GP6: variants seen among roughly 807,000 people sequenced by gnomAD.
GP6 encodes the protein platelet glycoprotein VI.
Under a neutral mutation model 37.3 loss-of-function variants are expected in GP6, and 45 were observed. The ratio of observed to expected loss-of-function variants is 1.21; its 90% CI spans 0.95 to 1.55. The LOEUF (loss-of-function observed/expected upper bound fraction) is 1.55, where lower values mean the gene tolerates loss of function less well. Among genes scored for constraint, GP6 ranks in the 40% most tolerant of loss-of-function variants. The probability of loss-of-function intolerance (pLI) is 0.00; values close to 1 mark genes in which losing one functional copy is unlikely to be tolerated. For synonymous variants in GP6, 340 were observed against 316.4 expected, an observed-to-expected ratio of 1.07 and a Z score of -0.79; for missense variants, 813 against 760.2, an observed-to-expected ratio of 1.07 and a Z score of -0.82.
intron 5 of GP6, among the ~76,000 whole-genome samples, chr19:55,019,171 T>A (rs1006588972): frequency 6.7e-6 from 1 of 149,606 alleles, no homozygotes; most frequent in Non-Finnish European, 1.5e-5. Flanking sequence ...AGTGGCGCGA[T>A]CTCAGCTCAC....
intron 4 of GP6, among the ~76,000 whole-genome samples, chr19:55,026,022 AGC>A (rs1478146856): frequency 2.9e-4 from 43 of 146,868 alleles, no homozygotes; most frequent in African/African-American, 1.0e-3. Context: ...AAAAAAAAAA[AGC>A]AGCAGCATTT....
intron 5 of GP6, among the ~76,000 whole-genome samples, chr19:55,024,779 C>A (rs76795020): frequency 0.023 from 3,495 of 152,274 alleles, 135 homozygotes; most frequent in African/African-American, 0.08. Context: ...GAAATCTATT[C>A]TTTAAGCCTC....
intron 5 of GP6, among the ~76,000 whole-genome samples, chr19:55,022,347 C>T (rs2146762976): frequency 6.6e-6 from 1 of 152,214 alleles, no homozygotes; most frequent in East Asian, 1.9e-4. Flanking sequence ...GGAACGGGTC[C>T]AGTTTCTATT....
chr19:55,033,835 G>A (rs1357517980), intron 1 of GP6, among the ~76,000 whole-genome samples: 2 of 152,134 alleles, frequency 1.3e-5, no homozygotes, highest in East Asian at 1.9e-4. Flanking sequence ...AAGTCAGGAC[G>A]TCTCAGCATG....
In GP6 at chr19:55,027,743, C is replaced by T. The variant is rs1374441120; in HGVS notation, c.445G>A (p.Gly149Arg). 1 of 1,613,892 alleles carries T rather than the reference C, an allele frequency of 6.2e-7. No homozygotes were observed. The highest frequency in any genetic ancestry group is 8.5e-7 in the Non-Finnish European group (1 of 1,179,848). The change falls in exon 4 of 8, where the codon GGG becomes AGG. Residue 149 changes from glycine (G) to arginine (R), a missense_variant. Gly to Arg is a moderately radical substitution (Grantham distance 125). Coordinates refer to ENST00000310373, the MANE Select transcript of GP6 (RefSeq NM_001083899.2). ...GGATTCTTGTAGGGCGCAGGGTCCCCTTCCTTGTACAGAGCAAATTGGTCA... is the reference window on the plus strand; with the variant it reads ...GGATTCTTGTAGGGCGCAGGGTCCCTTTCCTTGTACAGAGCAAATTGGTCA...
At chr19:55,031,866 G>A (rs1385110995) in intron 3 of GP6, among the ~76,000 whole-genome samples, 1 of 152,096 alleles carries the variant, frequency 6.6e-6, no homozygotes, top group East Asian at 1.9e-4. Flanking sequence ...CTAGCTACTT[G>A]GAGGGCTGAG....
chr19:55,031,445 G>A (rs574951958), intron 3 of GP6, among the ~76,000 whole-genome samples: 4 of 151,972 alleles, frequency 2.6e-5, no homozygotes, highest in South Asian at 4.2e-4. Flanking sequence ...AGACCCCATC[G>A]CTAATTTTTT....
intron 6 of GP6, among the ~76,000 whole-genome samples, chr19:55,016,492 C>T (rs1224374819): frequency 1.3e-5 from 2 of 151,312 alleles, no homozygotes; most frequent in African/African-American, 4.9e-5. Flanking sequence ...TCTCCTGCCT[C>T]AGCCTCCCGA....
chr19:55,034,641 G>GA (rs201963263), intron 1 of GP6, among the ~76,000 whole-genome samples: 5 of 149,820 alleles, frequency 3.3e-5, no homozygotes, highest in South Asian at 4.2e-4. Context: ...AGAGGAGGAG[G>GA]AAAAAAAAAG....
rs781050416 is a variant in GP6 at position 55,015,045 on chromosome 19, C to A, written c.900G>T (p.Ala300=). 6.2e-7 allele frequency: 1 copy of A among 1,609,106 alleles called. No individual in the cohort carries two copies. The highest frequency in any genetic ancestry group is 1.7e-5 in the Admixed American group (1 of 59,230). The stretch of plus-strand genomic sequence containing the variant: ...CCTCTGCACAGCCCTGCCCCTGTGC[C>A]GCAGGCGCTTCCTCCGGCTGTGCCA... The change falls in exon 8 of 8, where the codon GCG becomes GCT. Residue 300 remains alanine, a synonymous_variant. Transcript: ENST00000310373.
At chr19:55,029,364 ATATATATATATTTTTTTTTTTT>A (rs2074467851) in intron 3 of GP6, among the ~76,000 whole-genome samples, 1 of 2,524 alleles carries the variant, frequency 4.0e-4, no homozygotes, top group Non-Finnish European at 6.3e-4. Context: ...ATATATATAT[ATATATATATATTTTTTTTTTTT>A]TTTTTTTTTT....
chr19:55,025,394 T>C, intron 4 of GP6, 123 bp from the exon 5 acceptor site: 1 of 723,798 alleles, frequency 1.4e-6, no homozygotes, highest in Non-Finnish European at 2.5e-6. Context: ...CTTACATCAC[T>C]GGACTGTTGT....
intron 1 of GP6, among the ~76,000 whole-genome samples, chr19:55,034,339 A>G (rs1042068663): frequency 2.0e-5 from 3 of 151,952 alleles, no homozygotes; most frequent in Non-Finnish European, 4.4e-5. Context: ...GGCGGATCAC[A>G]AGGTCAGGAG....
At chr19:55,036,188 GA>G (rs1198081963) in intron 1 of GP6, among the ~76,000 whole-genome samples, 1 of 152,048 alleles carries the variant, frequency 6.6e-6, no homozygotes, top group East Asian at 1.9e-4. Context: ...ACTTATAAGT[GA>G]GAGCTAAGCT....
intron 7 of GP6, among the ~76,000 whole-genome samples, chr19:55,015,441 G>C (rs768508849): frequency 6.6e-6 from 1 of 152,168 alleles, no homozygotes; most frequent in Non-Finnish European, 1.5e-5. Flanking sequence ...TTGCAAAAGA[G>C]AGGACAGTTA....
rs1399963755 is a variant in GP6, at chr19:55,014,382, G to T, written c.1563C>A (p.Phe521Leu). ...GGCAACGTGCTAGTTTTACACTAAG[G>T]AAAATGAATGACATACCCAAACTGC... is the stretch of plus-strand genomic sequence containing the variant. The change falls in exon 8 of 8, where the codon TTC (phenylalanine) becomes TTA (leucine). Residue 521 changes from phenylalanine to leucine, a missense_variant. Physicochemically the swap from Phe to Leu is conservative, Grantham distance 22 (BLOSUM62 0). Coordinates refer to ENST00000310373, the MANE Select transcript of GP6 (RefSeq NM_001083899.2). 4 of 1,613,708 alleles carry T rather than the reference G, an allele frequency of 2.5e-6. No individual in the cohort carries two copies. The South Asian group carries it at 3.3e-5, about 13-fold the overall frequency.
rs1568628885 is a variant in GP6 at position 55,029,354 on chromosome 19, A to T, written c.326-1492T>A. 3.1e-3 allele frequency among the ~76,000 whole-genome samples: 8 copies of T among 2,572 alleles called. 2 individuals are homozygous for T. Among genetic ancestry groups the T allele is most frequent in the Admixed American group, 7.0e-3 (1 of 142 alleles). The allele number at this position is 2,572 out of a possible 152,430, so 1.7% of individuals were successfully genotyped here. A position where few individuals can be genotyped will look rare whatever the true frequency, so the allele number is the denominator to read the frequency against. Reference sequence around the variant, plus strand: ...TATATATATATATATATATATATATATATATATATATATATATATATTTTT... The same window carrying T: ...TATATATATATATATATATATATATTTATATATATATATATATATATTTTT... On this transcript the variant is annotated intron_variant, in intron 3 of 7. Transcript: ENST00000310373.
Position 55,015,002 on chromosome 19 carries a change from CG to C in GP6, c.942del (p.Ala315ProfsTer27). On this transcript the variant is annotated frameshift_variant, in exon 8 of 8. Coordinates refer to ENST00000310373, the MANE Select transcript of GP6 (RefSeq NM_001083899.2). LOFTEE classifies it low-confidence loss of function (END_TRUNC). ...TTGATTTCCGGGTCAGCGGGAGGGG[CG>C]GGAGGGGCGGAAGCGGCCTCTGCAC... 6.7e-7 allele frequency: 1 copy of C among 1,500,376 alleles called. No individual in the cohort carries two copies. The highest frequency in any genetic ancestry group is 9.1e-7 in the Non-Finnish European group (1 of 1,096,800). 92.9% of individuals were successfully genotyped at this position (1,500,376 alleles called of 1,614,324 possible). A position where few individuals can be genotyped will look rare whatever the true frequency, so the allele number is the denominator to read the frequency against.
At chr19:55,027,992 C>G in intron 3 of GP6, 130 bp from the exon 4 acceptor site, 2 of 861,192 alleles carry the variant, frequency 2.3e-6, no homozygotes, top group Non-Finnish European at 3.9e-6. Context: ...CGCACTCCCC[C>G]ACCCAAGCTC....
Sources: allele counts gnomAD v4.1 joint callset (sites outside exome capture counted in the v4.1 genomes callset), GRCh38; gene constraint gnomAD v4.1.1; transcripts MANE v1.5; gene names NCBI Gene and HGNC (gene_info 2026-07-23, HGNC 2026-07-21).